The following PRELID2 variants were observed in gnomAD, a reference collection of about 807,000 sequenced individuals.
PRELID2 encodes PRELI domain-containing protein 2.
A neutral mutation model predicts 28.4 loss-of-function variants in PRELID2; 25 were observed. The observed-to-expected ratio is 0.88, with a 90% CI of 0.64 to 1.23. PRELID2 has a LOEUF of 1.23. Among genes scored for constraint, PRELID2 ranks in the 50% most tolerant of loss-of-function variants. The probability of loss-of-function intolerance (pLI) is 0.00; values close to 1 mark genes in which losing one functional copy is unlikely to be tolerated. For synonymous variants in PRELID2, 76 were observed against 71.6 expected (o/e 1.06, Z -0.31); for missense variants, 201 against 214.4 (o/e 0.94, Z 0.39).
the PRELID2 span, among the ~76,000 whole-genome samples, chr5:145,456,656 A>C: frequency 2.0e-5 from 3 of 152,192 alleles, no homozygotes; most frequent in Non-Finnish European, 4.4e-5. Flanking sequence ...CCTCTCCCCT[A>C]ACAATAAATA....
the PRELID2 span, among the ~76,000 whole-genome samples, chr5:145,240,720 T>A: frequency 6.6e-6 from 1 of 152,038 alleles, no homozygotes; most frequent in Non-Finnish European, 1.5e-5. Flanking sequence ...AAGGCTCCTG[T>A]TGCTTATGAC....
At chr5:145,386,023 C>T in the PRELID2 span, among the ~76,000 whole-genome samples, 13 of 151,880 alleles carry the variant, frequency 8.6e-5, no homozygotes, top group East Asian at 2.1e-3. Context: ...AGTCTATTCC[C>T]GGGGTGCTAT....
intron 4 of PRELID2, among the ~76,000 whole-genome samples, chr5:145,804,963 C>G (rs1423525313): frequency 2.0e-5 from 3 of 152,150 alleles, no homozygotes; most frequent in Admixed American, 1.3e-4. Flanking sequence ...GAGGTAGACC[C>G]TGAGTCTAGA....
chr5:145,744,376 G>A (rs562307675), intron 1 of PRELID2, among the ~76,000 whole-genome samples: 4 of 152,284 alleles, frequency 2.6e-5, no homozygotes, highest in African/African-American at 7.2e-5. Flanking sequence ...AATGGGTCCC[G>A]TTCCCTGTGC....
rs559067905 is a variant in PRELID2 at position 145,687,627 on chromosome 5, T to C, written n.70+77304A>G. On this transcript the variant is annotated intron_variant and non_coding_transcript_variant, in intron 1 of 2. Coordinates refer to the PRELID2 transcript ENST00000510259. Reference sequence around the variant, plus strand: ...TACCTTTCAGATTGTCTCTTTCCAGTAGAAACTCCATGACAGCATGGACAT... The same window carrying C: ...TACCTTTCAGATTGTCTCTTTCCAGCAGAAACTCCATGACAGCATGGACAT... Among the ~76,000 whole-genome samples the C allele has an allele frequency of 5.3e-5, 8 of 152,308 alleles. No individual in the cohort carries two copies. The East Asian group carries it at 7.7e-4, about 15-fold the overall frequency.
the PRELID2 span, among the ~76,000 whole-genome samples, chr5:145,361,647 A>G: frequency 6.6e-6 from 1 of 152,148 alleles, no homozygotes; most frequent in Non-Finnish European, 1.5e-5. Flanking sequence ...GGAGTCTCCC[A>G]ACTCCTACCT....
At chr5:145,477,460 C>A (rs1427245239) in intron 1 of PRELID2, among the ~76,000 whole-genome samples, 1 of 152,178 alleles carries the variant, frequency 6.6e-6, no homozygotes, top group Non-Finnish European at 1.5e-5. Context: ...CAAATGAGCT[C>A]TGTTTGGCCC....
At chr5:145,587,470 G>A (rs144879204) in intron 1 of PRELID2, among the ~76,000 whole-genome samples, 1 of 152,118 alleles carries the variant, frequency 6.6e-6, no homozygotes, top group Non-Finnish European at 1.5e-5. Context: ...CTGCTGACAG[G>A]GCATATACCC....
the PRELID2 span, among the ~76,000 whole-genome samples, chr5:145,359,322 C>T: frequency 2.0e-5 from 3 of 152,186 alleles, no homozygotes; most frequent in Non-Finnish European, 4.4e-5. Context: ...GGCATTCAAT[C>T]TATCACAGCT....
the PRELID2 span, among the ~76,000 whole-genome samples, chr5:145,459,796 T>C: frequency 1.3e-5 from 2 of 151,800 alleles, no homozygotes; most frequent in Non-Finnish European, 2.9e-5. Flanking sequence ...AGAAAACATT[T>C]GAATAATTAC....
the PRELID2 span, among the ~76,000 whole-genome samples, chr5:145,243,342 T>G: frequency 2.0e-5 from 3 of 151,958 alleles, no homozygotes; most frequent in Admixed American, 2.0e-4. Flanking sequence ...GAAGACACTT[T>G]AATAAAAGTG....
chr5:145,546,470 G>GA (rs1752789560), intron 1 of PRELID2, among the ~76,000 whole-genome samples: 1 of 152,142 alleles, frequency 6.6e-6, no homozygotes, highest in Non-Finnish European at 1.5e-5. Context: ...ATGTACACTT[G>GA]TAAAAAGGGA....
intron 1 of PRELID2, among the ~76,000 whole-genome samples, chr5:145,675,379 T>C (rs899571101): frequency 6.6e-6 from 1 of 152,160 alleles, no homozygotes; most frequent in Non-Finnish European, 1.5e-5. Flanking sequence ...AAAAGTTCAA[T>C]AATCCACTCT....
chr5:145,527,498 T>C (rs1417397771), intron 1 of PRELID2, among the ~76,000 whole-genome samples: 1 of 152,218 alleles, frequency 6.6e-6, no homozygotes, highest in East Asian at 1.9e-4. Context: ...AAAAACAAAA[T>C]AATCTTACTT....
At chr5:145,807,126 C>T (rs927237304) in intron 4 of PRELID2, among the ~76,000 whole-genome samples, 3 of 152,130 alleles carry the variant, frequency 2.0e-5, no homozygotes, top group Non-Finnish European at 4.4e-5. Context: ...TAATGCATCA[C>T]GCTATGATAT....
At chr5:145,660,780 C>T (rs998853532) in intron 1 of PRELID2, among the ~76,000 whole-genome samples, 12 of 151,882 alleles carry the variant, frequency 7.9e-5, no homozygotes, top group African/African-American at 2.7e-4. Context: ...AAGCACTATA[C>T]GAAAGAAGAT....
chr5:145,821,186 TCCTC>T (rs1434848650), intron 2 of PRELID2, among the ~76,000 whole-genome samples: 29 of 59,728 alleles, frequency 4.9e-4, no homozygotes, highest in African/African-American at 7.0e-4. Context: ...TGTGTGTAAG[TCCTC>T]TTCTGTGTGT....
chr5:145,671,110 T>C (rs943538463), intron 1 of PRELID2, among the ~76,000 whole-genome samples: 1 of 152,160 alleles, frequency 6.6e-6, no homozygotes, highest in Non-Finnish European at 1.5e-5. Flanking sequence ...AAACCGAATT[T>C]CCTATAATGA....
chr5:145,295,110 A>G, the PRELID2 span, among the ~76,000 whole-genome samples: 56 of 152,230 alleles, frequency 3.7e-4, 1 homozygote, highest in African/African-American at 1.3e-3. Context: ...CCAATGTGTT[A>G]TACTAATGTG....
Sources: gnomAD v4.1 joint callset for allele counts (sites outside exome capture counted in the v4.1 genomes callset) on GRCh38, gnomAD v4.1.1 for gene constraint, MANE v1.5 for transcripts, NCBI Gene and HGNC (gene_info 2026-07-23, HGNC 2026-07-21) for gene names.